Variants in GRIA1 observed in about 807,000 individuals in gnomAD.
The protein encoded by GRIA1 is glutamate receptor 1.
Under a neutral mutation model 99.2 loss-of-function variants are expected in GRIA1, and 31 were observed. The ratio of observed to expected loss-of-function variants is 0.31; its 90% CI spans 0.23 to 0.42. GRIA1 has a LOEUF of 0.42. Among genes scored for constraint, GRIA1 ranks in the 10% least tolerant of loss-of-function variants. GRIA1 has a pLI of 1.00. For synonymous variants in GRIA1, 438 were observed against 432.4 expected (o/e 1.01, Z -0.16); for missense variants, 782 against 1,157.5 (o/e 0.68, Z 4.71).
chr5:153,672,814 A>G (rs1329278647), intron 5 of GRIA1, among the ~76,000 whole-genome samples: 1 of 152,130 alleles, frequency 6.6e-6, no homozygotes, highest in Non-Finnish European at 1.5e-5. Flanking sequence ...CATTTCATTC[A>G]TTGGAATTTG....
At chr5:153,699,632 G>T (rs1373197351) in intron 10 of GRIA1, among the ~76,000 whole-genome samples, 1 of 151,820 alleles carries the variant, frequency 6.6e-6, no homozygotes, top group African/African-American at 2.4e-5. Context: ...TCTCATAATA[G>T]GTATGAATGT....
chr5:153,725,216 C>G (rs1220958370), intron 11 of GRIA1, among the ~76,000 whole-genome samples: 1 of 151,614 alleles, frequency 6.6e-6, no homozygotes, highest in East Asian at 2.0e-4. Context: ...TTGTCACCAC[C>G]AGGCCTGCCC....
At chr5:153,510,699 A>G (rs1185383936) in intron 2 of GRIA1, among the ~76,000 whole-genome samples, 2 of 152,212 alleles carry the variant, frequency 1.3e-5, no homozygotes, top group Non-Finnish European at 2.9e-5. Flanking sequence ...TGCATTGTTG[A>G]TATTCCAAAG....
chr5:153,505,799 A>G (rs1244567898), intron 2 of GRIA1, among the ~76,000 whole-genome samples: 6 of 152,218 alleles, frequency 3.9e-5, no homozygotes, highest in Non-Finnish European at 7.3e-5. Context: ...AATAAAATAT[A>G]TAGAGAGAGA....
intron 11 of GRIA1, among the ~76,000 whole-genome samples, chr5:153,720,312 G>T (rs1303031427): frequency 6.6e-6 from 1 of 152,142 alleles, no homozygotes; most frequent in African/African-American, 2.4e-5. Flanking sequence ...CACCTTTCAG[G>T]TTATGTAGGA....
chr5:153,706,123 TG>T (rs774971171), intron 11 of GRIA1, 56 bp downstream of exon 11: 3 of 1,499,324 alleles, frequency 2.0e-6, no homozygotes, highest in Non-Finnish European at 2.8e-6. Context: ...TTTGTTTGTT[TG>T]TTTGTTTGTT....
rs575841878 is a variant in GRIA1, at chr5:153,779,241, G to T, written c.2270+8826G>T. Among the ~76,000 whole-genome samples, 11 of 152,294 alleles carry T rather than the reference G, an allele frequency of 7.2e-5. 1 individual carries two copies. In the South Asian group the frequency reaches 2.3e-3, roughly 32 times the overall value. On this transcript the variant is annotated intron_variant, in intron 13 of 15. Transcript: ENST00000285900. Reference sequence around the variant, plus strand: ...ATAGTTTAAAAAACTAAGATTCAGAGGGTAATGCTTTACCCAGGTTCTCAA... The same window carrying T: ...ATAGTTTAAAAAACTAAGATTCAGATGGTAATGCTTTACCCAGGTTCTCAA...
chr5:153,702,603 G>A (rs1310492025), intron 10 of GRIA1, among the ~76,000 whole-genome samples: 1 of 152,238 alleles, frequency 6.6e-6, no homozygotes, highest in African/African-American at 2.4e-5. Context: ...TGCTAGGTCA[G>A]TGATTCTAGA....
At chr5:153,564,602 C>T (rs1425181398) in intron 2 of GRIA1, among the ~76,000 whole-genome samples, 1 of 152,164 alleles carries the variant, frequency 6.6e-6, no homozygotes, top group East Asian at 1.9e-4. Flanking sequence ...TCAGCTGCAA[C>T]ACTTACACAA....
intron 2 of GRIA1, among the ~76,000 whole-genome samples, chr5:153,504,239 G>C (rs1047259632): frequency 4.6e-5 from 7 of 151,882 alleles, no homozygotes; most frequent in African/African-American, 1.7e-4. Context: ...TACGGACATG[G>C]GGGAGGAATA....
chr5:153,778,339 G>A (rs897816412), intron 13 of GRIA1, among the ~76,000 whole-genome samples: 1 of 151,952 alleles, frequency 6.6e-6, no homozygotes, highest in Admixed American at 6.6e-5. Context: ...GCGCTAGTCC[G>A]GTGCAAAAGT....
At chr5:153,507,731 A>C (rs554759580) in intron 2 of GRIA1, among the ~76,000 whole-genome samples, 1 of 152,286 alleles carries the variant, frequency 6.6e-6, no homozygotes, top group South Asian at 2.1e-4. Flanking sequence ...ATTTCTGATC[A>C]TCAAGCTTCT....
At chr5:153,770,447 C>A in intron 13 of GRIA1, 32 bp downstream of exon 13, 1 of 1,592,532 alleles carries the variant, frequency 6.3e-7, no homozygotes, top group Non-Finnish European at 8.6e-7. Flanking sequence ...CCTTGGTACT[C>A]CCTCTCCCCT....
chr5:153,686,139 G>A, intron 7 of GRIA1, 86 bp from the exon 8 acceptor site: 14 of 960,892 alleles, frequency 1.5e-5, no homozygotes, highest in Non-Finnish European at 2.4e-5. Flanking sequence ...ACACTCTTGG[G>A]TTCTGAATTT....
At chr5:153,639,498 G>C (rs1254412284) in intron 2 of GRIA1, among the ~76,000 whole-genome samples, 2 of 152,166 alleles carry the variant, frequency 1.3e-5, no homozygotes. Context: ...CTTTAGCCTG[G>C]CTGGCTCCTT....
intron 2 of GRIA1, among the ~76,000 whole-genome samples, chr5:153,522,926 G>A (rs998659286): frequency 1.3e-5 from 2 of 151,988 alleles, no homozygotes; most frequent in Admixed American, 6.6e-5. Context: ...CTTCTTTAAT[G>A]TTAGGTATGA....
At chr5:153,756,099 G>T (rs888653209) in intron 11 of GRIA1, among the ~76,000 whole-genome samples, 1 of 152,196 alleles carries the variant, frequency 6.6e-6, no homozygotes, top group Admixed American at 6.5e-5. Context: ...TTTGGCTCCA[G>T]CCCCCCAACA....
At chr5:153,783,180 G>A (rs1013830806) in intron 13 of GRIA1, among the ~76,000 whole-genome samples, 9 of 152,206 alleles carry the variant, frequency 5.9e-5, no homozygotes, top group East Asian at 3.8e-4. Context: ...TCCTGTTCAC[G>A]CAGTCCTTAG....
At position 153,811,961 on chromosome 5, in the gene GRIA1, A is replaced by G. The variant is rs1766847351; in HGVS notation, c.*736A>G. On this transcript the variant is annotated 3_prime_UTR_variant, in exon 16 of 16. Transcript: ENST00000285900. The stretch of plus-strand genomic sequence containing the variant: ...GGGGCAGATGTGCAGTCAGAGAAGG[A>G]CTCCTGAAGTTACTGCTGCTCAGAA... 6.6e-6 allele frequency: 1 copy of G among 152,012 alleles called. No individual in the cohort carries two copies. Among genetic ancestry groups the G allele is most frequent in the African/African-American group, 2.4e-5 (1 of 41,288 alleles). The allele number at this position is 152,012 out of a possible 1,614,324, so 9.4% of individuals were successfully genotyped here.
Sources: gnomAD v4.1 joint callset for allele counts (sites outside exome capture counted in the v4.1 genomes callset) on GRCh38, gnomAD v4.1.1 for gene constraint, MANE v1.5 for transcripts, NCBI Gene and HGNC (gene_info 2026-07-23, HGNC 2026-07-21) for gene names.